Variants in RPGRIP1L observed in about 807,000 individuals in gnomAD.
RPGRIP1L encodes the protein protein fantom.
In RPGRIP1L, 131 loss-of-function variants were observed where a neutral mutation model predicts 160.4. The observed-to-expected ratio is 0.82, with a 90% CI of 0.71 to 0.94. RPGRIP1L has a LOEUF of 0.94. RPGRIP1L is among the 40% of genes least tolerant of loss of function. The probability of loss-of-function intolerance (pLI) is 0.00; values close to 1 mark genes in which losing one functional copy is unlikely to be tolerated. For synonymous variants in RPGRIP1L, 510 were observed against 515.8 expected (o/e 0.99, Z 0.15); for missense variants, 1,522 against 1,535.8 (o/e 0.99, Z 0.15).
chr16:53,671,842 G>T (rs1352998241), intron 8 of RPGRIP1L, among the ~76,000 whole-genome samples: 1 of 152,068 alleles, frequency 6.6e-6, no homozygotes, highest in Non-Finnish European at 1.5e-5. Context: ...TGCAACATGT[G>T]CCAGAAGTCA....
At chr16:53,639,471 T>C (rs1966066996) in intron 19 of RPGRIP1L, among the ~76,000 whole-genome samples, 1 of 152,156 alleles carries the variant, frequency 6.6e-6, no homozygotes, top group African/African-American at 2.4e-5. Flanking sequence ...TAGAATATTA[T>C]ATTCATGGGT....
intron 10 of RPGRIP1L, among the ~76,000 whole-genome samples, chr16:53,660,838 A>G (rs888964139): frequency 1.3e-5 from 2 of 150,604 alleles, no homozygotes; most frequent in Non-Finnish European, 3.0e-5. Flanking sequence ...GGTTGCTGTG[A>G]GCCGAGATTG....
chr16:53,697,715 C>T (rs1438379478), intron 2 of RPGRIP1L, among the ~76,000 whole-genome samples: 1 of 152,116 alleles, frequency 6.6e-6, no homozygotes, highest in Non-Finnish European at 1.5e-5. Context: ...CTCGCTACAA[C>T]CTCCACCTCC....
At chr16:53,679,891 G>T (rs1051817956) in intron 6 of RPGRIP1L, among the ~76,000 whole-genome samples, 23 of 152,156 alleles carry the variant, frequency 1.5e-4, no homozygotes, top group African/African-American at 5.6e-4. Flanking sequence ...AGTTCAGGTG[G>T]TTAACTGAGG....
At chr16:53,612,116 C>G (rs1964086896) in intron 24 of RPGRIP1L, among the ~76,000 whole-genome samples, 1 of 151,794 alleles carries the variant, frequency 6.6e-6, no homozygotes, top group Non-Finnish European at 1.5e-5. Context: ...GCCAAAGGCA[C>G]TGAGTAGGCA....
At chr16:53,618,691 G>T (rs955980662) in intron 24 of RPGRIP1L, among the ~76,000 whole-genome samples, 1 of 152,014 alleles carries the variant, frequency 6.6e-6, no homozygotes, top group African/African-American at 2.4e-5. Context: ...CTACAGGAGC[G>T]CAACACCATG....
intron 10 of RPGRIP1L, chr16:53,659,306 T>C (rs1321461204): frequency 2.2e-6 from 1 of 463,570 alleles, no homozygotes; most frequent in Non-Finnish European, 2.9e-6. Context: ...ACTTAGCATA[T>C]AGTATTTTTA....
chr16:53,646,004 C>T lies in RPGRIP1L; in HGVS notation c.2305-1G>A, dbSNP rs863225215. ...CAGTTTTGGGTGCTTGCTGACTTAA[C>T]TGGAAAAACATACATATTTATATTA... On this transcript the variant is annotated splice_acceptor_variant, in intron 16 of 26. Transcript: ENST00000647211. LOFTEE classifies it high-confidence loss of function. 6.2e-7 allele frequency: 1 copy of T among 1,613,682 alleles called. No homozygotes were observed. Among genetic ancestry groups the T allele is most frequent in the Non-Finnish European group, 8.5e-7 (1 of 1,179,696 alleles).
Position 53,667,541 on chromosome 16 carries a change from C to T in RPGRIP1L, c.1104-2532G>A, listed in dbSNP as rs562445102. Among the ~76,000 whole-genome samples the T allele has an allele frequency of 2.2e-3, 336 of 151,948 alleles. 2 individuals carry two copies. Among genetic ancestry groups the T allele is most frequent in the African/African-American group, 7.8e-3 (322 of 41,480 alleles). The stretch of plus-strand genomic sequence containing the variant: ...TGGCTTGAGCCCAGGAGTTCAAGAC[C>T]AGCCTAGGAAACATAGAGAGATCCC... On this transcript the variant is annotated intron_variant, in intron 9 of 26. Transcript: ENST00000647211.
intron 10 of RPGRIP1L, 72 bp downstream of exon 10, chr16:53,664,798 A>C (rs1968095085): frequency 1.8e-5 from 27 of 1,518,922 alleles, no homozygotes; most frequent in African/African-American, 4.1e-5. Context: ...GCACCAGAGT[A>C]AGTACTGACT....
chr16:53,660,255 T>C lies in RPGRIP1L; in HGVS notation c.1244-1377A>G, dbSNP rs1967659553. 4.6e-5 allele frequency among the ~76,000 whole-genome samples: 7 copies of C among 152,314 alleles called. No homozygotes were observed. The South Asian group carries it at 1.4e-3, about 32-fold the overall frequency. On this transcript the variant is annotated intron_variant, in intron 10 of 26. Transcript: ENST00000647211. ...TAACTCTAAGCCATGTCATCTAAAG[T>C]ATCTCTACCAATTTCATCCTGCTCT... is the stretch of plus-strand genomic sequence containing the variant.
intron 14 of RPGRIP1L, among the ~76,000 whole-genome samples, chr16:53,654,784 A>G (rs1448418246): frequency 6.6e-6 from 1 of 152,214 alleles, no homozygotes; most frequent in Non-Finnish European, 1.5e-5. Flanking sequence ...CTTGAAAGGA[A>G]TGAAAATCCC....
chr16:53,680,064 A>G (rs1292635065), intron 6 of RPGRIP1L, among the ~76,000 whole-genome samples: 1 of 152,142 alleles, frequency 6.6e-6, no homozygotes, highest in African/African-American at 2.4e-5. Flanking sequence ...TCCCTCCACT[A>G]TCATGCATAC....
chr16:53,687,347 A>G (rs1043533219), intron 5 of RPGRIP1L, among the ~76,000 whole-genome samples: 5 of 152,118 alleles, frequency 3.3e-5, no homozygotes, highest in Admixed American at 2.6e-4. Flanking sequence ...ATTAACTAGA[A>G]AAGTAAGCTA....
At chr16:53,642,246 T>C (rs1176846583) in intron 17 of RPGRIP1L, among the ~76,000 whole-genome samples, 3 of 152,048 alleles carry the variant, frequency 2.0e-5, no homozygotes, top group East Asian at 3.9e-4. Flanking sequence ...GCAGTGATTA[T>C]TCACAGATGC....
Position 53,667,366 on chromosome 16 carries a change from A to T in RPGRIP1L, c.1104-2357T>A, listed in dbSNP as rs561199076. Among the ~76,000 whole-genome samples the T allele has an allele frequency of 5.1e-4, 78 of 152,320 alleles. 1 individual carries two copies. The South Asian group carries it at 0.015, about 30-fold the overall frequency. Reference sequence around the variant, plus strand: ...TTCCTAAGATCTTTCCTTCTACAGAAGAAACTCCATTTGTTCAATGTTCAA... The same window carrying T: ...TTCCTAAGATCTTTCCTTCTACAGATGAAACTCCATTTGTTCAATGTTCAA... On this transcript the variant is annotated intron_variant, in intron 9 of 26. Coordinates refer to ENST00000647211, the MANE Select transcript of RPGRIP1L (RefSeq NM_015272.5).
At chr16:53,688,562 C>G (rs1970174363) in intron 4 of RPGRIP1L, among the ~76,000 whole-genome samples, 1 of 151,936 alleles carries the variant, frequency 6.6e-6, no homozygotes, top group African/African-American at 2.4e-5. Flanking sequence ...TTTACAAAGA[C>G]AGTCCCATTG....
intron 6 of RPGRIP1L, among the ~76,000 whole-genome samples, chr16:53,685,089 A>T (rs13335593): frequency 0.11 from 16,576 of 152,138 alleles, 1,640 homozygotes; most frequent in African/African-American, 0.26. Context: ...AGAAGACATC[A>T]TGTGGCCAAA....
At chr16:53,657,959 G>A (rs894779784) in intron 12 of RPGRIP1L, among the ~76,000 whole-genome samples, 2 of 152,060 alleles carry the variant, frequency 1.3e-5, no homozygotes, top group Admixed American at 6.6e-5. Flanking sequence ...ATGCTGTGAT[G>A]TAAAAGAAGT....
Sources: allele counts gnomAD v4.1 joint callset (sites outside exome capture counted in the v4.1 genomes callset), GRCh38; gene constraint gnomAD v4.1.1; transcripts MANE v1.5; gene names NCBI Gene and HGNC (gene_info 2026-07-23, HGNC 2026-07-21).